Variants in ERC2 observed in about 807,000 individuals in gnomAD.
The protein encoded by ERC2 is ELKS/RAB6-interacting/CAST family member 2.
In ERC2, 42 loss-of-function variants were observed where a neutral mutation model predicts 114.8. The ratio of observed to expected loss-of-function variants is 0.37; its 90% CI spans 0.29 to 0.47. ERC2 has a LOEUF of 0.47. ERC2 is among the 20% of genes least tolerant of loss of function. The probability of loss-of-function intolerance (pLI) is 0.99; values close to 1 mark genes in which losing one functional copy is unlikely to be tolerated. For missense variants in ERC2, 939 were observed against 1,150.7 expected (o/e 0.82, Z 2.66); for synonymous variants, 454 against 425.5 (o/e 1.07, Z -0.82).
chr3:55,978,794 C>A (rs1371923793), intron 12 of ERC2, among the ~76,000 whole-genome samples: 2 of 152,200 alleles, frequency 1.3e-5, no homozygotes, highest in African/African-American at 2.4e-5. Context: ...GTTTTCTACA[C>A]TGAATGTTCT....
chr3:56,359,460 A>G (rs2058864531), intron 2 of ERC2, among the ~76,000 whole-genome samples: 1 of 152,254 alleles, frequency 6.6e-6, no homozygotes, highest in South Asian at 2.1e-4. Flanking sequence ...CTGCTCTACA[A>G]CAAATATTCT....
At chr3:55,578,552 C>T (rs1452580305) in intron 17 of ERC2, among the ~76,000 whole-genome samples, 1 of 152,222 alleles carries the variant, frequency 6.6e-6, no homozygotes, top group Non-Finnish European at 1.5e-5. Context: ...TTGAACTTCT[C>T]TCCTTATAAA....
At chr3:56,109,747 T>C (rs1398874707) in intron 6 of ERC2, among the ~76,000 whole-genome samples, 3 of 152,200 alleles carry the variant, frequency 2.0e-5, no homozygotes, top group Non-Finnish European at 4.4e-5. Context: ...TTTGTACATG[T>C]ATTGTACTTC....
At chr3:55,574,836 C>A (rs186955689) in intron 17 of ERC2, among the ~76,000 whole-genome samples, 6 of 152,274 alleles carry the variant, frequency 3.9e-5, no homozygotes, top group African/African-American at 1.2e-4. Flanking sequence ...CAAGTGCCCT[C>A]CAGACACAGG....
chr3:55,756,948 A>G (rs1473198785), intron 14 of ERC2, among the ~76,000 whole-genome samples: 3 of 152,146 alleles, frequency 2.0e-5, no homozygotes, highest in Non-Finnish European at 4.4e-5. Flanking sequence ...ACCCAAATCC[A>G]CGTTAAAATA....
chr3:55,750,090 A>G (rs2066589235), intron 14 of ERC2, among the ~76,000 whole-genome samples: 1 of 152,244 alleles, frequency 6.6e-6, no homozygotes, highest in Admixed American at 6.5e-5. Flanking sequence ...TACTATGGAC[A>G]GAATACGATG....
chr3:56,118,133 A>G (rs1314979096), intron 6 of ERC2, among the ~76,000 whole-genome samples: 1 of 152,174 alleles, frequency 6.6e-6, no homozygotes, highest in Non-Finnish European at 1.5e-5. Flanking sequence ...ACTTCAGACA[A>G]TGGGGCCTAG....
At position 55,649,597 on chromosome 3, in the gene ERC2, T is replaced by C. The variant is rs969322606; in HGVS notation, c.*39+34197A>G. ...AAATAATGCCTTTGTCCCAATCCAA[T>C]GTATGCGTTTTATACATAAAGAAGT... is the stretch of plus-strand genomic sequence containing the variant. On this transcript the variant is annotated intron_variant, in intron 17 of 17. Transcript: ENST00000288221. 1.3e-5 allele frequency among the ~76,000 whole-genome samples: 2 copies of C among 152,152 alleles called. 1 individual carries two copies. Among genetic ancestry groups the C allele is most frequent in the Non-Finnish European group, 2.9e-5 (2 of 68,034 alleles).
At chr3:55,566,489 T>C (rs1233156271) in intron 17 of ERC2, among the ~76,000 whole-genome samples, 2 of 152,058 alleles carry the variant, frequency 1.3e-5, no homozygotes, top group African/African-American at 4.8e-5. Flanking sequence ...TGGAGTGCAA[T>C]GGTACAATCT....
chr3:55,688,133 C>A (rs148572020), intron 16 of ERC2, among the ~76,000 whole-genome samples: 1 of 152,328 alleles, frequency 6.6e-6, no homozygotes, highest in African/African-American at 2.4e-5. Flanking sequence ...GTAAGATCCC[C>A]CGCCAAAACA....
At chr3:55,725,454 C>A (rs975006273) in intron 15 of ERC2, among the ~76,000 whole-genome samples, 1 of 152,168 alleles carries the variant, frequency 6.6e-6, no homozygotes, top group Non-Finnish European at 1.5e-5. Flanking sequence ...ATGTAGAAAG[C>A]ATTCTCTGAT....
intron 3 of ERC2, among the ~76,000 whole-genome samples, chr3:56,244,265 G>T (rs557069444): frequency 6.6e-6 from 1 of 152,176 alleles, no homozygotes; most frequent in East Asian, 1.9e-4. Flanking sequence ...ACTGCCAGTT[G>T]TATAAGAGTA....
At chr3:56,438,520 C>T (rs888283287) in intron 1 of ERC2, among the ~76,000 whole-genome samples, 7 of 152,094 alleles carry the variant, frequency 4.6e-5, no homozygotes, top group African/African-American at 1.7e-4. Flanking sequence ...CTGGACTGAA[C>T]CTCTGGTGTT....
intron 17 of ERC2, among the ~76,000 whole-genome samples, chr3:55,681,975 G>A (rs1366067326): frequency 7.3e-6 from 1 of 137,502 alleles, no homozygotes; most frequent in African/African-American, 2.7e-5. Flanking sequence ...GGCAGAAGTA[G>A]CTTCACAGAA....
chr3:56,168,616 T>C (rs1560294649), intron 4 of ERC2, among the ~76,000 whole-genome samples: 1 of 152,180 alleles, frequency 6.6e-6, no homozygotes, highest in Non-Finnish European at 1.5e-5. Context: ...CCCTTTCCAG[T>C]TATATGAAAC....
chr3:56,403,346 A>T (rs1165238012), intron 2 of ERC2, among the ~76,000 whole-genome samples: 3 of 151,954 alleles, frequency 2.0e-5, no homozygotes, highest in Admixed American at 6.6e-5. Flanking sequence ...CACTAGCCAC[A>T]TGTAACTATT....
intron 2 of ERC2, among the ~76,000 whole-genome samples, chr3:56,330,640 G>A (rs1308858630): frequency 6.6e-6 from 1 of 152,066 alleles, no homozygotes; most frequent in African/African-American, 2.4e-5. Context: ...AATCCAAAAT[G>A]CTCCAAAATC....
At chr3:55,724,486 C>T (rs1199720295) in intron 15 of ERC2, among the ~76,000 whole-genome samples, 1 of 152,202 alleles carries the variant, frequency 6.6e-6, no homozygotes, top group Non-Finnish European at 1.5e-5. Context: ...GCTCTGGTTC[C>T]ACCCCTTACC....
intron 3 of ERC2, among the ~76,000 whole-genome samples, chr3:56,230,010 C>T (rs1002067538): frequency 6.6e-5 from 10 of 151,496 alleles, no homozygotes; most frequent in African/African-American, 2.4e-4. Flanking sequence ...GGATTACAGG[C>T]GCCTGCCACC....
Sources: allele counts gnomAD v4.1 joint callset (sites outside exome capture counted in the v4.1 genomes callset), GRCh38; gene constraint gnomAD v4.1.1; transcripts MANE v1.5; gene names NCBI Gene and HGNC (gene_info 2026-07-23, HGNC 2026-07-21).